Variants in SH3GL2 observed in about 807,000 individuals in gnomAD.
SH3GL2 encodes endophilin-A1.
SH3GL2 carries 24 observed loss-of-function variants against 46.0 expected under a neutral mutation model. The observed-to-expected ratio is 0.52, with a 90% confidence interval of 0.38 to 0.73. The LOEUF is 0.73. Ranked by LOEUF, SH3GL2 falls within the 30% of genes least tolerant of loss-of-function variation. The probability of loss-of-function intolerance (pLI) is 0.00; values close to 1 mark genes in which losing one functional copy is unlikely to be tolerated. For missense variants in SH3GL2, 413 were observed against 424.2 expected (o/e 0.97, Z 0.23); for synonymous variants, 196 against 147.1 (o/e 1.33, Z -2.40).
At chr9:17,684,677 A>G (rs1383267983) in intron 1 of SH3GL2, among the ~76,000 whole-genome samples, 1 of 152,106 alleles carries the variant, frequency 6.6e-6, no homozygotes, top group Non-Finnish European at 1.5e-5. Flanking sequence ...TTGTATTCAC[A>G]CTGAGAAAAA....
At chr9:17,590,378 T>C (rs993408765) in intron 1 of SH3GL2, 16 of 152,216 alleles carry the variant, frequency 1.1e-4, no homozygotes, top group African/African-American at 3.6e-4. Context: ...TGATTAATAT[T>C]AATAGCCTGT....
At chr9:17,786,243 C>A in intron 3 of SH3GL2, 138 bp from the exon 4 acceptor site, 2 of 694,216 alleles carry the variant, frequency 2.9e-6, no homozygotes, top group Non-Finnish European at 4.8e-6. Flanking sequence ...ACGGAGAGAA[C>A]ACTGGAGCGT....
At chr9:17,600,661 T>C (rs3808769) in intron 1 of SH3GL2, among the ~76,000 whole-genome samples, 128,497 of 152,242 alleles carry the variant, frequency 0.84, 54,544 homozygotes, top group African/African-American at 0.93. Context: ...CTACAAACAG[T>C]TTTTAATATT....
At position 17,787,400 on chromosome 9, in the gene SH3GL2, G is replaced by A. The variant is rs746536752; in HGVS notation, c.352G>A (p.Gly118Arg). The change falls in exon 5 of 9, where the codon GGG becomes AGG. Residue 118 changes from glycine (G) to arginine (R), a missense_variant. Gly to Arg is a moderately radical substitution (Grantham distance 125). Transcript: ENST00000380607. ...CNFGPALGEVGEAMRELSEVK... is the reference protein window; with the variant it reads ...CNFGPALGEVREAMRELSEVK... The stretch of plus-strand genomic sequence containing the variant: ...CCTAGGCCCAGCACTTGGTGAGGTC[G>A]GGGAGGCCATGCGGGAACTGTCGGA... The A allele has an allele frequency of 1.2e-6, 2 of 1,612,894 alleles. No homozygotes were observed. The highest frequency in any genetic ancestry group is 1.7e-6 in the Non-Finnish European group (2 of 1,179,082).
intron 8 of SH3GL2, among the ~76,000 whole-genome samples, chr9:17,794,655 G>A (rs1232401098): frequency 6.6e-6 from 1 of 152,142 alleles, no homozygotes; most frequent in South Asian, 2.1e-4. Flanking sequence ...GTGTGCACTT[G>A]TCTGAGTCTG....
At chr9:17,585,352 T>C (rs957153172) in intron 1 of SH3GL2, among the ~76,000 whole-genome samples, 6 of 152,318 alleles carry the variant, frequency 3.9e-5, no homozygotes, top group African/African-American at 1.2e-4. Context: ...ATAGGGGAGA[T>C]GCTAAGTAGG....
chr9:17,589,115 T>G (rs1818432150), intron 1 of SH3GL2: 1 of 152,228 alleles, frequency 6.6e-6, no homozygotes, highest in South Asian at 2.1e-4. Flanking sequence ...AACATACATA[T>G]GCACATATGA....
At chr9:17,741,882 G>C (rs1005994942) in intron 1 of SH3GL2, among the ~76,000 whole-genome samples, 1 of 151,840 alleles carries the variant, frequency 6.6e-6, no homozygotes, top group Non-Finnish European at 1.5e-5. Context: ...ATAACTTCCA[G>C]CTCAGATGGG....
intron 1 of SH3GL2, chr9:17,590,579 C>G (rs891129246): frequency 6.6e-6 from 1 of 152,102 alleles, no homozygotes; most frequent in African/African-American, 2.4e-5. Context: ...GGATTTTTCA[C>G]CTTTTGATCA....
At chr9:17,757,870 CT>C (rs1259166466) in intron 2 of SH3GL2, among the ~76,000 whole-genome samples, 1 of 152,148 alleles carries the variant, frequency 6.6e-6, no homozygotes, top group Admixed American at 6.5e-5. Context: ...ATAAATAACT[CT>C]TCTGCCAAGT....
intron 1 of SH3GL2, among the ~76,000 whole-genome samples, chr9:17,635,759 C>T (rs1313748913): frequency 6.6e-6 from 1 of 152,128 alleles, no homozygotes; most frequent in Non-Finnish European, 1.5e-5. Context: ...GTGATGCCCC[C>T]AGGGGTTCAG....
intron 1 of SH3GL2, among the ~76,000 whole-genome samples, chr9:17,654,648 TA>T (rs1229720931): frequency 3.3e-5 from 5 of 152,188 alleles, no homozygotes; most frequent in African/African-American, 4.8e-5. Flanking sequence ...TCAATGCTTA[TA>T]AAAAATTATG....
chr9:17,712,266 T>C (rs1377855163), intron 1 of SH3GL2, among the ~76,000 whole-genome samples: 1 of 151,870 alleles, frequency 6.6e-6, no homozygotes, highest in Non-Finnish European at 1.5e-5. Flanking sequence ...ATGGCTTGAC[T>C]ATTTTCCTAA....
At chr9:17,701,198 C>T (rs62548126) in intron 1 of SH3GL2, among the ~76,000 whole-genome samples, 6,125 of 152,200 alleles carry the variant, frequency 0.04, 192 homozygotes, top group Non-Finnish European at 0.063. Context: ...GAAATCAGTA[C>T]GCAGAACCTT....
At chr9:17,614,254 G>T (rs1461458881) in intron 1 of SH3GL2, among the ~76,000 whole-genome samples, 1 of 119,636 alleles carries the variant, frequency 8.4e-6, no homozygotes, top group African/African-American at 3.1e-5. Flanking sequence ...TTGTGCATAT[G>T]TGTATTTGTG....
At chr9:17,604,960 G>A (rs142847408) in intron 1 of SH3GL2, among the ~76,000 whole-genome samples, 3 of 147,444 alleles carry the variant, frequency 2.0e-5, no homozygotes, top group South Asian at 2.2e-4. Flanking sequence ...AGAGGTATTA[G>A]TGTTCTTTCA....
At chr9:17,655,924 A>G (rs905226438) in intron 1 of SH3GL2, among the ~76,000 whole-genome samples, 2 of 152,210 alleles carry the variant, frequency 1.3e-5, no homozygotes, top group Admixed American at 6.5e-5. Flanking sequence ...CATGATCCAG[A>G]AGAAAAGTGC....
intron 1 of SH3GL2, among the ~76,000 whole-genome samples, chr9:17,631,828 C>T (rs1288688105): frequency 2.0e-5 from 3 of 152,138 alleles, no homozygotes; most frequent in African/African-American, 7.2e-5. Context: ...AAGAGGTTGG[C>T]TTATTGATAA....
In SH3GL2 at chr9:17,677,668, T is replaced by C. The variant is rs569866455; in HGVS notation, c.46-69398T>C. On this transcript the variant is annotated intron_variant, in intron 1 of 8. Transcript: ENST00000380607. ...TTTATACTTTAAGTTTTAGGGTACA[T>C]GTGCACAACGTGCAGGTTTGTTACA... 9.2e-5 allele frequency among the ~76,000 whole-genome samples: 14 copies of C among 152,090 alleles called. No homozygotes were observed. In the South Asian group the frequency reaches 2.9e-3, roughly 32 times the overall value.
Sources: allele counts gnomAD v4.1 joint callset (sites outside exome capture counted in the v4.1 genomes callset), GRCh38; gene constraint gnomAD v4.1.1; transcripts MANE v1.5; gene names NCBI Gene and HGNC (gene_info 2026-07-23, HGNC 2026-07-21).